LPGAT1: variants seen among roughly 807,000 people sequenced by gnomAD.
LPGAT1 encodes the protein lysophosphatidylglycerol acyltransferase 1, also known as acyl-CoA:lysophosphatidylglycerol acyltransferase 1.
LPGAT1 carries 11 observed loss-of-function variants against 47.5 expected under a neutral mutation model. The ratio of observed to expected loss-of-function variants is 0.23; its 90% confidence interval spans 0.15 to 0.38. The LOEUF (loss-of-function observed/expected upper bound fraction) is 0.38, where lower values mean the gene tolerates loss of function less well. Ranked by LOEUF, LPGAT1 falls within the 10% of genes least tolerant of loss-of-function variation. LPGAT1 has a pLI of 1.00. For synonymous variants in LPGAT1, 138 were observed against 144.2 expected (o/e 0.96, Z 0.31); for missense variants, 293 against 439.0 (o/e 0.67, Z 2.97).
chr1:211,788,211 G>A (rs1489751122), intron 3 of LPGAT1, among the ~76,000 whole-genome samples: 4 of 152,030 alleles, frequency 2.6e-5, no homozygotes, highest in Non-Finnish European at 5.9e-5. Flanking sequence ...AAAATTAATA[G>A]AATGATTTAC....
chr1:211,769,476 C>A (rs1044151763), intron 6 of LPGAT1, among the ~76,000 whole-genome samples: 1 of 151,948 alleles, frequency 6.6e-6, no homozygotes, highest in African/African-American at 2.4e-5. Context: ...ATCCAGCCCG[C>A]AAGAGAGGAT....
At chr1:211,814,556 T>C (rs1027454949) in intron 2 of LPGAT1, among the ~76,000 whole-genome samples, 1 of 152,200 alleles carries the variant, frequency 6.6e-6, no homozygotes, top group Non-Finnish European at 1.5e-5. Flanking sequence ...AGTGCTGATA[T>C]GCATTCTTTC....
intron 6 of LPGAT1, among the ~76,000 whole-genome samples, chr1:211,758,314 G>A (rs1476511736): frequency 6.6e-6 from 1 of 152,080 alleles, no homozygotes; most frequent in Non-Finnish European, 1.5e-5. Context: ...TTAATTTGCA[G>A]GTAAAAGACA....
chr1:211,797,058 C>T (rs1325434563), intron 2 of LPGAT1, among the ~76,000 whole-genome samples: 2 of 152,048 alleles, frequency 1.3e-5, no homozygotes, highest in African/African-American at 4.8e-5. Context: ...GAGTTCGGGA[C>T]CAGCCTGGCC....
At chr1:211,782,339 T>G (rs1658676710) in intron 5 of LPGAT1, among the ~76,000 whole-genome samples, 1 of 152,242 alleles carries the variant, frequency 6.6e-6, no homozygotes, top group Non-Finnish European at 1.5e-5. Flanking sequence ...CATTTCAGAT[T>G]ATTTCCTTTT....
chr1:211,759,234 G>T (rs1657588584), intron 6 of LPGAT1, among the ~76,000 whole-genome samples: 1 of 152,082 alleles, frequency 6.6e-6, no homozygotes, highest in African/African-American at 2.4e-5. Flanking sequence ...CTATGCTCTG[G>T]AAGAGTTGTG....
intron 6 of LPGAT1, among the ~76,000 whole-genome samples, chr1:211,761,954 C>T (rs1049753653): frequency 6.6e-6 from 1 of 152,118 alleles, no homozygotes. Flanking sequence ...CATAAAGTTT[C>T]CTCTGGTCTA....
intron 2 of LPGAT1, among the ~76,000 whole-genome samples, chr1:211,801,808 G>A (rs984131776): frequency 6.6e-5 from 10 of 151,520 alleles, no homozygotes; most frequent in South Asian, 2.1e-4. Flanking sequence ...GAAATGGCAC[G>A]GTGGCTCACT....
At chr1:211,772,118 A>G (rs957877559) in intron 6 of LPGAT1, among the ~76,000 whole-genome samples, 2 of 152,172 alleles carry the variant, frequency 1.3e-5, no homozygotes, top group East Asian at 1.9e-4. Context: ...TTATTTTGGT[A>G]TATGGTATGG....
At chr1:211,796,592 TA>T (rs1659361956) in intron 2 of LPGAT1, among the ~76,000 whole-genome samples, 1 of 152,204 alleles carries the variant, frequency 6.6e-6, no homozygotes, top group African/African-American at 2.4e-5. Context: ...ATATCTGCTG[TA>T]AAACCCACTT....
chr1:211,784,328 C>G (rs191261714), intron 4 of LPGAT1, among the ~76,000 whole-genome samples: 31 of 151,782 alleles, frequency 2.0e-4, no homozygotes, highest in African/African-American at 7.0e-4. Context: ...CCCGTCTATA[C>G]AAAAAATACA....
At chr1:211,794,930 T>C (rs769132274) in intron 2 of LPGAT1, among the ~76,000 whole-genome samples, 1 of 152,132 alleles carries the variant, frequency 6.6e-6, no homozygotes, top group Non-Finnish European at 1.5e-5. Context: ...ATGTGCAAAA[T>C]GACATGTACA....
chr1:211,783,230 T>G lies in LPGAT1; in HGVS notation c.726A>C (p.Leu242Phe). Reference protein sequence around the residue: ...GSPAGGDAKELDSKSKGLQWI... With the variant: ...GSPAGGDAKEFDSKSKGLQWI... ...AAAAAATGCTAAAAACCATCATACCTAATTCTTTAGCATCTCCTCCTGCTG... is the reference window on the plus strand; with the variant it reads ...AAAAAATGCTAAAAACCATCATACCGAATTCTTTAGCATCTCCTCCTGCTG... The change falls in exon 5 of 8, where the codon TTA becomes TTC. Residue 242 changes from leucine (L) to phenylalanine (F), a missense_variant and splice_region_variant. Physicochemically the swap from Leu to Phe is conservative, Grantham distance 22. Coordinates refer to ENST00000366997, the MANE Select transcript of LPGAT1 (RefSeq NM_014873.3). 1 of 1,608,824 alleles carries G rather than the reference T, an allele frequency of 6.2e-7. No individual in the cohort carries two copies. The highest frequency in any genetic ancestry group is 1.7e-4 in the Middle Eastern group (1 of 6,038).
At chr1:211,797,311 CTTTTTT>C (rs200601647) in intron 2 of LPGAT1, among the ~76,000 whole-genome samples, 2 of 122,642 alleles carry the variant, frequency 1.6e-5, no homozygotes, top group African/African-American at 6.1e-5. Context: ...CTTTCCTTTT[CTTTTTT>C]TTTTTTTTTT....
intron 4 of LPGAT1, among the ~76,000 whole-genome samples, chr1:211,787,237 T>C (rs1045442294): frequency 1.3e-5 from 2 of 152,162 alleles, no homozygotes; most frequent in Non-Finnish European, 2.9e-5. Flanking sequence ...CTCACACTTG[T>C]AATCCCAGCA....
intron 2 of LPGAT1, 96 bp downstream of exon 2, chr1:211,828,963 A>T: frequency 8.0e-7 from 1 of 1,249,032 alleles, no homozygotes; most frequent in South Asian, 1.4e-5. Context: ...TAGTGAAGAC[A>T]TGAAAGCATC....
chr1:211,783,323 A>G lies in LPGAT1; in HGVS notation c.633T>C (p.Thr211=), dbSNP rs766453004. Residue 211 remains threonine, a synonymous_variant, in exon 5 of 8, where the codon ACT becomes ACC. Coordinates refer to ENST00000366997, the MANE Select transcript of LPGAT1 (RefSeq NM_014873.3). ...TTTTTGTTGCCCCAGACCTTGGCAG[A>G]GTAACATTTGTAAGAAATGGCAAGT... ...KNNLPFLTNV[T]LPRSGATKII... 2.0e-5 allele frequency: 33 copies of G among 1,614,086 alleles called. No homozygotes were observed. In the South Asian group the frequency reaches 3.0e-4, roughly 14 times the overall value.
intron 2 of LPGAT1, among the ~76,000 whole-genome samples, chr1:211,811,156 A>G (rs907993654): frequency 2.6e-5 from 4 of 152,348 alleles, no homozygotes; most frequent in South Asian, 2.1e-4. Context: ...AAAGTTAAAG[A>G]AAGAGGACAT....
intron 3 of LPGAT1, among the ~76,000 whole-genome samples, chr1:211,790,940 G>C (rs1371429573): frequency 6.6e-6 from 1 of 152,130 alleles, no homozygotes; most frequent in Admixed American, 6.6e-5. Context: ...ATCTGTAAGA[G>C]TTACAATGTT....
Sources: allele counts gnomAD v4.1 joint callset (sites outside exome capture counted in the v4.1 genomes callset), GRCh38; gene constraint gnomAD v4.1.1; transcripts MANE v1.5; gene names NCBI Gene and HGNC (gene_info 2026-07-23, HGNC 2026-07-21).